The following FRY variants were observed in gnomAD, a reference collection of about 807,000 sequenced individuals.
FRY encodes protein furry homolog.
In FRY, 128 loss-of-function variants were observed where a neutral mutation model predicts 348.4. The ratio of observed to expected loss-of-function variants is 0.37; its 90% CI spans 0.32 to 0.43. The LOEUF is 0.43. FRY is among the 20% of genes least tolerant of loss of function. The pLI, the probability that FRY is intolerant of heterozygous loss-of-function variation, is 1.00. For synonymous variants in FRY, 1,370 were observed against 1,374.7 expected (o/e 1.00, Z 0.08); for missense variants, 2,736 against 3,695.2 (o/e 0.74, Z 6.73).
In FRY at chr13:32,149,752, G is replaced by C. The variant is rs1880687149; in HGVS notation, c.1397G>C (p.Arg466Pro). The C allele has an allele frequency of 1.3e-6, 2 of 1,585,104 alleles. No homozygotes were observed. The highest frequency in any genetic ancestry group is 2.2e-5 in the South Asian group (2 of 90,378). Residue 466 changes from arginine to proline, a missense_variant, in exon 14 of 61, where the codon CGT becomes CCT. Physicochemically the swap from Arg to Pro is moderately radical, Grantham distance 103 (BLOSUM62 -2). This residue lies in a region of FRY where 191 missense variants were observed against 370.2 expected (regional missense o/e 0.52). Transcript: ENST00000542859. The part of the protein sequence containing the change: ...VKIIQFIAQE[R>P]LDFAMKEIIF... ...GTGTTCTTGTTTTTACTACAGGAAC[G>C]TTTAGATTTTGCAATGAAAGAAATC...
At chr13:32,200,994 A>G (rs936355505) in intron 29 of FRY, among the ~76,000 whole-genome samples, 5 of 152,240 alleles carry the variant, frequency 3.3e-5, no homozygotes, top group Admixed American at 6.5e-5. Context: ...GTGATTCTTC[A>G]AAAGTGAATG....
chr13:32,114,786 C>T (rs1878196122), intron 3 of FRY, among the ~76,000 whole-genome samples: 1 of 152,124 alleles, frequency 6.6e-6, no homozygotes, highest in African/African-American at 2.4e-5. Flanking sequence ...AAGTAAATAT[C>T]CTTTCTCATG....
At chr13:32,070,276 G>A (rs1416903322) in intron 1 of FRY, among the ~76,000 whole-genome samples, 3 of 152,166 alleles carry the variant, frequency 2.0e-5, no homozygotes. Flanking sequence ...CTAGATCCTT[G>A]AGGAATCGCC....
At chr13:32,109,723 C>T (rs1877830772) in intron 3 of FRY, among the ~76,000 whole-genome samples, 1 of 151,938 alleles carries the variant, frequency 6.6e-6, no homozygotes, top group Admixed American at 6.6e-5. Flanking sequence ...TACTTGGGGG[C>T]AGAAGACAAG....
At chr13:32,055,418 T>A (rs402881) in intron 1 of FRY, among the ~76,000 whole-genome samples, 101,275 of 152,104 alleles carry the variant, frequency 0.67, 33,952 homozygotes, top group Non-Finnish European at 0.67. Flanking sequence ...CTCTGTTCTC[T>A]TTTATTATTA....
chr13:32,291,498 C>T (rs886774361), intron 59 of FRY, among the ~76,000 whole-genome samples: 3 of 151,814 alleles, frequency 2.0e-5, no homozygotes. Flanking sequence ...CTCCGCCTCC[C>T]AGGTTCAAGC....
In FRY at chr13:32,040,971, T is replaced by A. The variant is rs562389632; in HGVS notation, c.70+9106T>A. Among the ~76,000 whole-genome samples the A allele has an allele frequency of 3.3e-5, 5 of 152,290 alleles. No individual in the cohort carries two copies. In the South Asian group the frequency reaches 1.0e-3, roughly 32 times the overall value. On this transcript the variant is annotated intron_variant, in intron 1 of 60. Transcript: ENST00000542859. Reference sequence around the variant, plus strand: ...CTTTGGTTCACCTTTACTTAATGCCTACAGCTTAGGTAGAAAGCTCTGTGA... The same window carrying A: ...CTTTGGTTCACCTTTACTTAATGCCAACAGCTTAGGTAGAAAGCTCTGTGA...
intron 1 of FRY, among the ~76,000 whole-genome samples, chr13:32,046,552 C>T (rs1873025438): frequency 6.6e-6 from 1 of 152,124 alleles, no homozygotes; most frequent in African/African-American, 2.4e-5. Flanking sequence ...TTTATTTTTT[C>T]TTGCTGAAAA....
At position 32,234,604 on chromosome 13, in the gene FRY, T is replaced by C. The variant is rs1267639870; in HGVS notation, c.5558T>C (p.Val1853Ala). The C allele has an allele frequency of 2.5e-6, 4 of 1,614,164 alleles. No homozygotes were observed. Among genetic ancestry groups the C allele is most frequent in the South Asian group, 1.1e-5 (1 of 91,078 alleles). ...CATCTGGAGCACCAGTTGAGTGAAG[T>C]TGCATTGCAGACAGCCCTCGCAAGC... ...GFHLEHQLSE[V>A]ALQTALASSS... Residue 1853 changes from valine to alanine, a missense_variant, in exon 42 of 61, where the codon GTT (valine) becomes GCT (alanine). Physicochemically the swap from Val to Ala is moderately conservative, Grantham distance 64 (BLOSUM62 0). Around this residue, in one of 9 missense-constraint regions of FRY, gnomAD observed 794 missense variants for 977.0 expected, o/e 0.81. Coordinates refer to ENST00000542859, the MANE Select transcript of FRY (RefSeq NM_023037.3).
chr13:32,104,571 A>G (rs981614874), intron 3 of FRY, among the ~76,000 whole-genome samples: 3 of 152,232 alleles, frequency 2.0e-5, no homozygotes, highest in African/African-American at 7.2e-5. Flanking sequence ...TGATCATTAC[A>G]TCATAAACTC....
chr13:32,166,006 C>T (rs996086170), intron 17 of FRY, among the ~76,000 whole-genome samples: 1 of 152,186 alleles, frequency 6.6e-6, no homozygotes, highest in African/African-American at 2.4e-5. Flanking sequence ...CAGTGGCACA[C>T]GTGGCCTGTG....
intron 1 of FRY, among the ~76,000 whole-genome samples, chr13:32,043,802 T>C (rs1287126525): frequency 6.6e-6 from 1 of 152,238 alleles, no homozygotes; most frequent in African/African-American, 2.4e-5. Flanking sequence ...GTTTTCTTCA[T>C]TATACTCACT....
At chr13:32,246,999 A>G (rs552681321) in intron 47 of FRY, among the ~76,000 whole-genome samples, 1 of 152,278 alleles carries the variant, frequency 6.6e-6, no homozygotes, top group African/African-American at 2.4e-5. Flanking sequence ...CTGAACAGTC[A>G]GTGTCATAAA....
intron 60 of FRY, 110 bp from the exon 61 acceptor site, chr13:32,295,092 C>A: frequency 1.0e-6 from 1 of 978,932 alleles, no homozygotes; most frequent in Non-Finnish European, 1.6e-6. Context: ...GGAATTCCAT[C>A]TCAATAAAGC....
chr13:32,214,155 CT>C (rs1260776894), intron 35 of FRY, among the ~76,000 whole-genome samples: 1 of 152,146 alleles, frequency 6.6e-6, no homozygotes, highest in Non-Finnish European at 1.5e-5. Context: ...CTACTGTATT[CT>C]TTTTTTTCTA....
Position 32,244,086 on chromosome 13 carries a change from G to A in FRY, c.6732G>A (p.Gln2244=), listed in dbSNP as rs1301046018. ...CTAGTGTGCAGCAGCCCCTGCTCCA[G>A]GTGATCTACAGTCTTCTCAGCTACA... ...GLPSVQQPLL[Q]VIYSLLSYMD... The change falls in exon 47 of 61, where the codon CAG becomes CAA. Residue 2244 remains glutamine (Q), a synonymous_variant. Coordinates refer to ENST00000542859, the MANE Select transcript of FRY (RefSeq NM_023037.3). 27 of 1,614,044 alleles carry A rather than the reference G, an allele frequency of 1.7e-5. No homozygotes were observed. Among genetic ancestry groups the A allele is most frequent in the Non-Finnish European group, 2.0e-5 (24 of 1,179,920 alleles).
intron 22 of FRY, among the ~76,000 whole-genome samples, 172 bp from the exon 23 acceptor site, chr13:32,179,503 T>TTTTGTGTGTGTGTGTGTG (rs1491402570): frequency 7.3e-6 from 1 of 137,552 alleles, no homozygotes; most frequent in Non-Finnish European, 1.6e-5. Flanking sequence ...TGTATTAAAT[T>TTTTGTGTGTGTGTGTGTG]TGTGTGTGTG....
At chr13:32,268,508 ATAT>A (rs1566182664) in intron 55 of FRY, among the ~76,000 whole-genome samples, 667 of 20,446 alleles carry the variant, frequency 0.033, 12 homozygotes, top group Middle Eastern at 0.1. Flanking sequence ...AAAAAAAAAT[ATAT>A]ATATATATAT....
chr13:32,143,190 C>T (rs1056424137), intron 11 of FRY, among the ~76,000 whole-genome samples: 3 of 152,026 alleles, frequency 2.0e-5, no homozygotes, highest in Non-Finnish European at 4.4e-5. Flanking sequence ...GATTAGAAGC[C>T]TCTTAAGGAC....
Sources: gnomAD v4.1 joint callset for allele counts (sites outside exome capture counted in the v4.1 genomes callset) on GRCh38, gnomAD v4.1.1 for gene constraint, gnomAD v4.1.1 regional missense constraint, MANE v1.5 for transcripts, NCBI Gene and HGNC (gene_info 2026-07-23, HGNC 2026-07-21) for gene names.